The following DNER variants were observed in gnomAD, a reference collection of about 807,000 sequenced individuals.
The protein encoded by DNER is delta/notch like EGF repeat containing, also known as delta and Notch-like epidermal growth factor-related receptor.
Under a neutral mutation model 78.2 loss-of-function variants are expected in DNER, and 33 were observed. That is an observed-to-expected ratio of 0.42 (90% CI 0.32 to 0.56). The LOEUF (loss-of-function observed/expected upper bound fraction) is 0.56. DNER is among the 20% of genes least tolerant of loss of function. The probability of loss-of-function intolerance (pLI) is 0.11; values close to 1 mark genes in which losing one functional copy is unlikely to be tolerated. For synonymous variants in DNER, 417 were observed against 384.8 expected (o/e 1.08, Z -0.98); for missense variants, 918 against 975.3 (o/e 0.94, Z 0.78).
At chr2:229,407,129 T>A in intron 10 of DNER, 103 bp downstream of exon 10, 1 of 972,162 alleles carries the variant, frequency 1.0e-6, no homozygotes, top group Non-Finnish European at 1.6e-6. Context: ...ATGGTGTTTA[T>A]ATTTTGCAAT....
In DNER at chr2:229,618,565, G is replaced by A. The variant is rs151213722; in HGVS notation, c.277-26677C>T. Among the ~76,000 whole-genome samples the A allele has an allele frequency of 4.2e-3, 633 of 152,224 alleles. 10 individuals are homozygous for A. The highest frequency in any genetic ancestry group is 6.8e-3 in the Middle Eastern group (2 of 294). ...ATCAGCCTCGCAAAGCTGGTGCCCC[G>A]GACGCACAGCCCACCCCAGTGAATT... On this transcript the variant is annotated intron_variant, in intron 1 of 12. Transcript: ENST00000341772.
intron 7 of DNER, among the ~76,000 whole-genome samples, chr2:229,466,310 C>T (rs1325663642): frequency 6.6e-6 from 1 of 152,178 alleles, no homozygotes; most frequent in African/African-American, 2.4e-5. Flanking sequence ...TTTTGTTCCT[C>T]AGATTTCTGT....
intron 7 of DNER, among the ~76,000 whole-genome samples, chr2:229,465,857 T>TC (rs1323262593): frequency 6.6e-6 from 1 of 151,980 alleles, no homozygotes; most frequent in African/African-American, 2.4e-5. Flanking sequence ...ATCCTCCCCC[T>TC]CAAAAATGCT....
intron 1 of DNER, among the ~76,000 whole-genome samples, chr2:229,604,796 A>G (rs938246210): frequency 6.6e-6 from 1 of 152,168 alleles, no homozygotes; most frequent in East Asian, 1.9e-4. Flanking sequence ...TGGGTATCCA[A>G]CTTCATTTAT....
intron 11 of DNER, among the ~76,000 whole-genome samples, chr2:229,371,648 T>C (rs991712320): frequency 2.0e-5 from 3 of 152,220 alleles, no homozygotes; most frequent in East Asian, 1.9e-4. Flanking sequence ...AGACAGTCAG[T>C]GGCCAAGCTG....
At chr2:229,695,850 A>G (rs1310336170) in intron 1 of DNER, among the ~76,000 whole-genome samples, 2 of 152,168 alleles carry the variant, frequency 1.3e-5, no homozygotes, top group Non-Finnish European at 2.9e-5. Flanking sequence ...CCTTGACCTG[A>G]GGATGAAATT....
In DNER at chr2:229,451,751, A is replaced by C. The variant is rs115866783; in HGVS notation, c.1262-4211T>G. Among the ~76,000 whole-genome samples, 464 of 152,290 alleles carry C rather than the reference A, an allele frequency of 3.0e-3. 3 individuals carry two copies. Among genetic ancestry groups the C allele is most frequent in the African/African-American group, 0.01 (432 of 41,558 alleles). On this transcript the variant is annotated intron_variant, in intron 7 of 12. Coordinates refer to ENST00000341772, the MANE Select transcript of DNER (RefSeq NM_139072.4). ...AGAGAAGTGAATGACCAACCAATTA[A>C]GATGTTATGATGTGTAAGCAAAACC...
At chr2:229,459,140 C>T (rs1246074606) in intron 7 of DNER, among the ~76,000 whole-genome samples, 3 of 152,008 alleles carry the variant, frequency 2.0e-5, no homozygotes, top group East Asian at 1.9e-4. Context: ...ACATATACCA[C>T]GTTGATGGGT....
intron 8 of DNER, among the ~76,000 whole-genome samples, chr2:229,438,952 C>T (rs1477543276): frequency 2.0e-5 from 3 of 152,188 alleles, no homozygotes; most frequent in Non-Finnish European, 4.4e-5. Flanking sequence ...TCTGAGCTAA[C>T]AGAGGCTCCA....
At chr2:229,586,737 A>G (rs1036454713) in intron 3 of DNER, 12 of 985,356 alleles carry the variant, frequency 1.2e-5, no homozygotes, top group Non-Finnish European at 1.4e-5. Context: ...ATGTGTTCCT[A>G]GCCCACATAT....
At chr2:229,411,906 A>G (rs1378248620) in intron 9 of DNER, among the ~76,000 whole-genome samples, 1 of 152,228 alleles carries the variant, frequency 6.6e-6, no homozygotes, top group Non-Finnish European at 1.5e-5. Flanking sequence ...AATGGAAGCA[A>G]CACAGATTAT....
chr2:229,436,148 T>C (rs996361258), intron 8 of DNER, among the ~76,000 whole-genome samples: 1 of 152,206 alleles, frequency 6.6e-6, no homozygotes, highest in South Asian at 2.1e-4. Context: ...CCCTTCTTTG[T>C]GTCCATATGT....
intron 6 of DNER, among the ~76,000 whole-genome samples, chr2:229,501,291 T>C (rs1695616223): frequency 6.6e-6 from 1 of 151,768 alleles, no homozygotes; most frequent in Non-Finnish European, 1.5e-5. Flanking sequence ...GAAAGTGGAT[T>C]TTAAGTGTTC....
chr2:229,396,496 G>C (rs569782536), intron 10 of DNER, among the ~76,000 whole-genome samples: 48 of 152,306 alleles, frequency 3.2e-4, no homozygotes, highest in African/African-American at 9.9e-4. Context: ...AAGAATAAAA[G>C]GGTGGGGAAT....
chr2:229,654,932 A>G (rs547387867), intron 1 of DNER, among the ~76,000 whole-genome samples: 2 of 152,354 alleles, frequency 1.3e-5, no homozygotes, highest in East Asian at 3.9e-4. Flanking sequence ...CTTAAACTCT[A>G]CAAGAAAAAA....
At chr2:229,443,336 T>C (rs6722404) in intron 8 of DNER, among the ~76,000 whole-genome samples, 151,158 of 152,302 alleles carry the variant, frequency 0.99, 75,019 homozygotes, top group Middle Eastern at 1. Context: ...CAAGCAATAC[T>C]GTGGCTCCCA....
At chr2:229,618,517 G>T (rs1380846269) in intron 1 of DNER, among the ~76,000 whole-genome samples, 1 of 152,154 alleles carries the variant, frequency 6.6e-6, no homozygotes, top group East Asian at 1.9e-4. Flanking sequence ...CTCTCACGCA[G>T]CATGTGATGT....
At chr2:229,447,581 AT>A (rs1196698554) in intron 7 of DNER, 41 bp from the exon 8 acceptor site, 12 of 1,580,360 alleles carry the variant, frequency 7.6e-6, no homozygotes, top group Non-Finnish European at 1.0e-5. Context: ...ACTAAAACAC[AT>A]TTGCACATAA....
At chr2:229,587,040 G>T in intron 3 of DNER, 3 of 967,194 alleles carry the variant, frequency 3.1e-6, no homozygotes, top group Non-Finnish European at 3.7e-6. Context: ...CCGTTCTGCA[G>T]CTTAAGGGAG....
Sources: allele counts gnomAD v4.1 joint callset (sites outside exome capture counted in the v4.1 genomes callset), GRCh38; gene constraint gnomAD v4.1.1; transcripts MANE v1.5; gene names NCBI Gene and HGNC (gene_info 2026-07-23, HGNC 2026-07-21).